AFG1L: variants seen among roughly 807,000 people sequenced by gnomAD.
AFG1L encodes the protein AFG1 like ATPase, also known as AFG1-like ATPase.
A neutral mutation model predicts 62.2 loss-of-function variants in AFG1L; 53 were observed. The observed-to-expected ratio is 0.85, with a 90% CI of 0.68 to 1.07. AFG1L has a LOEUF of 1.07. Ranked by LOEUF, AFG1L falls within the 50% of genes least tolerant of loss-of-function variation. The pLI, the probability that AFG1L is intolerant of heterozygous loss-of-function variation, is 0.00. For missense variants in AFG1L, 555 were observed against 590.5 expected, an observed-to-expected ratio of 0.94 and a Z score of 0.62; for synonymous variants, 228 against 210.3, an observed-to-expected ratio of 1.08 and a Z score of -0.73.
intron 11 of AFG1L, among the ~76,000 whole-genome samples, chr6:108,519,148 C>G (rs898254587): frequency 6.6e-6 from 1 of 152,122 alleles, no homozygotes; most frequent in Non-Finnish European, 1.5e-5. Context: ...TTTGTTGCCA[C>G]CAGAGGGCAC....
rs539878167 is a variant in AFG1L, at chr6:108,335,079, C to T, written c.363+11031C>T. Among the ~76,000 whole-genome samples, 10 of 151,932 alleles carry T rather than the reference C, an allele frequency of 6.6e-5. No homozygotes were observed. In the South Asian group the frequency reaches 1.7e-3, roughly 25 times the overall value. On this transcript the variant is annotated intron_variant, in intron 2 of 12. Coordinates refer to ENST00000368977, the MANE Select transcript of AFG1L (RefSeq NM_145315.5). Reference sequence around the variant, plus strand: ...CACGATCTCAGCTCGTGGCAACCTCCGCCTCCCAAGTTAAAGCGATTTTCA... The same window carrying T: ...CACGATCTCAGCTCGTGGCAACCTCTGCCTCCCAAGTTAAAGCGATTTTCA...
At chr6:108,522,239 G>A in intron 12 of AFG1L, 58 bp from the exon 13 acceptor site, 3 of 1,564,226 alleles carry the variant, frequency 1.9e-6, no homozygotes, top group Non-Finnish European at 2.6e-6. Flanking sequence ...CCTATACTTA[G>A]GTTCTGTAAA....
chr6:108,407,342 C>T (rs768329719), intron 7 of AFG1L, among the ~76,000 whole-genome samples: 4 of 152,010 alleles, frequency 2.6e-5, no homozygotes, highest in Admixed American at 6.6e-5. Flanking sequence ...ATATTTCCAT[C>T]GGCATTTCTG....
At chr6:108,404,762 C>G (rs1781777538) in intron 7 of AFG1L, among the ~76,000 whole-genome samples, 1 of 152,136 alleles carries the variant, frequency 6.6e-6, no homozygotes, top group African/African-American at 2.4e-5. Flanking sequence ...GAGTCTTGCT[C>G]TGTCACCCAG....
Position 108,447,311 on chromosome 6 carries a change from T to G in AFG1L, c.890+15T>G, listed in dbSNP as rs931332121. 6.8e-7 allele frequency: 1 copy of G among 1,468,014 alleles called. No individual in the cohort carries two copies. Among genetic ancestry groups the G allele is most frequent in the Non-Finnish European group, 9.5e-7 (1 of 1,052,682 alleles). 90.9% of individuals were successfully genotyped at this position (1,468,014 alleles called of 1,614,324 possible). Reference sequence around the variant, plus strand: ...CTCTACTACCTGTAAGTGTTTCTAATTTTTAAAGTTTAATGTCTAATCGTT... The same window carrying G: ...CTCTACTACCTGTAAGTGTTTCTAAGTTTTAAAGTTTAATGTCTAATCGTT... On this transcript the variant is annotated intron_variant, in intron 8 of 12. Coordinates refer to ENST00000368977, the MANE Select transcript of AFG1L (RefSeq NM_145315.5).
chr6:108,353,936 T>C (rs2114449710), intron 3 of AFG1L, among the ~76,000 whole-genome samples: 1 of 152,330 alleles, frequency 6.6e-6, no homozygotes, highest in Non-Finnish European at 1.5e-5. Context: ...TGTCATCTTG[T>C]GGCTTGAAGG....
At chr6:108,352,602 G>A (rs932390325) in intron 3 of AFG1L, among the ~76,000 whole-genome samples, 5 of 152,048 alleles carry the variant, frequency 3.3e-5, no homozygotes, top group Non-Finnish European at 5.9e-5. Flanking sequence ...TCGCTCTGTC[G>A]CCCAGGTCCT....
intron 10 of AFG1L, among the ~76,000 whole-genome samples, chr6:108,481,878 A>G (rs1330271005): frequency 6.6e-6 from 1 of 152,264 alleles, no homozygotes; most frequent in African/African-American, 2.4e-5. Context: ...AACTATGGTT[A>G]TTCAGATTTG....
chr6:108,447,524 A>C (rs1333929255), intron 8 of AFG1L, among the ~76,000 whole-genome samples: 2 of 152,162 alleles, frequency 1.3e-5, no homozygotes, highest in Non-Finnish European at 2.9e-5. Flanking sequence ...TTGGGGTGGA[A>C]TGATGACAGA....
At chr6:108,463,857 AT>A (rs1772562146) in intron 8 of AFG1L, among the ~76,000 whole-genome samples, 1 of 152,220 alleles carries the variant, frequency 6.6e-6, no homozygotes, top group African/African-American at 2.4e-5. Context: ...TCTGTTTTAT[AT>A]TAAGGCAAGT....
At chr6:108,432,464 C>T (rs1015408372) in intron 7 of AFG1L, among the ~76,000 whole-genome samples, 6 of 152,118 alleles carry the variant, frequency 3.9e-5, no homozygotes, top group African/African-American at 1.4e-4. Context: ...ACCCCCATTG[C>T]GGAGTAATGG....
intron 1 of AFG1L, among the ~76,000 whole-genome samples, chr6:108,311,099 T>A (rs969310708): frequency 5.3e-5 from 8 of 152,190 alleles, no homozygotes; most frequent in Non-Finnish European, 1.2e-4. Flanking sequence ...AAGGGTTAAA[T>A]TCAAACTGCT....
rs577560785 is a variant in AFG1L at position 108,384,081 on chromosome 6, G to T, written c.748+17749G>T. 2.9e-3 allele frequency among the ~76,000 whole-genome samples: 376 copies of T among 130,222 alleles called. 1 individual carries two copies. Among genetic ancestry groups the T allele is most frequent in the African/African-American group, 9.8e-3 (302 of 30,972 alleles). 85.4% of individuals were successfully genotyped at this position (130,222 alleles called of 152,430 possible). A position where few individuals can be genotyped will look rare whatever the true frequency, so the allele number is the denominator to read the frequency against. ...GAGAGTAAAAAAAAAAAAAAAAAAAGGCTGGCAGATTCTTGAGGAAAGACA... is the reference window on the plus strand; with the variant it reads ...GAGAGTAAAAAAAAAAAAAAAAAAATGCTGGCAGATTCTTGAGGAAAGACA... On this transcript the variant is annotated intron_variant, in intron 6 of 12. Coordinates refer to ENST00000368977, the MANE Select transcript of AFG1L (RefSeq NM_145315.5).
chr6:108,425,749 C>T lies in AFG1L; in HGVS notation c.808-21465C>T, dbSNP rs185482358. On this transcript the variant is annotated intron_variant, in intron 7 of 12. Transcript: ENST00000368977. Reference sequence around the variant, plus strand: ...GTGGAATTAATTATATTCCCAATTGCTCTTATTGATAAGGAACTCTTTATC... The same window carrying T: ...GTGGAATTAATTATATTCCCAATTGTTCTTATTGATAAGGAACTCTTTATC... 3.9e-5 allele frequency among the ~76,000 whole-genome samples: 6 copies of T among 152,162 alleles called. No individual in the cohort carries two copies. The South Asian group carries it at 6.2e-4, about 16-fold the overall frequency.
intron 2 of AFG1L, among the ~76,000 whole-genome samples, chr6:108,328,065 T>C (rs1279801364): frequency 1.3e-5 from 2 of 152,042 alleles, no homozygotes; most frequent in Non-Finnish European, 2.9e-5. Flanking sequence ...CAACCTCTTT[T>C]CCCCATATTT....
chr6:108,338,851 C>T (rs1778570249), intron 2 of AFG1L, among the ~76,000 whole-genome samples: 1 of 152,166 alleles, frequency 6.6e-6, no homozygotes, highest in Non-Finnish European at 1.5e-5. Flanking sequence ...AGACACACAT[C>T]CTGGATTCTG....
intron 10 of AFG1L, among the ~76,000 whole-genome samples, chr6:108,493,939 C>T (rs922429012): frequency 2.6e-5 from 4 of 152,062 alleles, no homozygotes; most frequent in South Asian, 2.1e-4. Flanking sequence ...CAGGTTCAAG[C>T]GATTCTTGTA....
intron 6 of AFG1L, among the ~76,000 whole-genome samples, chr6:108,395,560 C>T (rs2114609303): frequency 6.6e-6 from 1 of 151,838 alleles, no homozygotes; most frequent in Non-Finnish European, 1.5e-5. Context: ...TACCACCACT[C>T]CAGGCTAATT....
At chr6:108,460,095 A>C (rs2114777622) in intron 8 of AFG1L, among the ~76,000 whole-genome samples, 1 of 152,312 alleles carries the variant, frequency 6.6e-6, no homozygotes, top group Non-Finnish European at 1.5e-5. Context: ...AGCGCAATAA[A>C]AAATGCAAAT....
Sources: allele counts gnomAD v4.1 joint callset (sites outside exome capture counted in the v4.1 genomes callset), GRCh38; gene constraint gnomAD v4.1.1; transcripts MANE v1.5; gene names NCBI Gene and HGNC (gene_info 2026-07-23, HGNC 2026-07-21).